SRGAP1: variants seen among roughly 807,000 people sequenced by gnomAD.
SRGAP1 encodes SLIT-ROBO Rho GTPase activating protein 1, also known as SLIT-ROBO Rho GTPase-activating protein 1.
SRGAP1 carries 43 observed loss-of-function variants against 121.9 expected under a neutral mutation model. That is an observed-to-expected ratio of 0.35 (90% CI 0.28 to 0.46). The LOEUF is 0.46. Ranked by LOEUF, SRGAP1 falls within the 20% of genes least tolerant of loss-of-function variation. The pLI, the probability that SRGAP1 is intolerant of heterozygous loss-of-function variation, is 1.00. For synonymous variants in SRGAP1, 447 were observed against 485.4 expected, an observed-to-expected ratio of 0.92 and a Z score of 1.04; for missense variants, 1,102 against 1,350.9, an observed-to-expected ratio of 0.82 and a Z score of 2.89.
intron 1 of SRGAP1, among the ~76,000 whole-genome samples, chr12:63,931,933 G>C (rs1165799010): frequency 1.3e-5 from 2 of 152,128 alleles, no homozygotes; most frequent in Non-Finnish European, 2.9e-5. Flanking sequence ...AACGATGTAG[G>C]GTTAGGCCTA....
chr12:64,014,922 T>C (rs531041978), intron 3 of SRGAP1, among the ~76,000 whole-genome samples: 1 of 152,282 alleles, frequency 6.6e-6, no homozygotes, highest in South Asian at 2.1e-4. Flanking sequence ...GTTCACGCAG[T>C]TCTCATGCCT....
At chr12:64,009,148 T>A (rs895967790) in intron 3 of SRGAP1, among the ~76,000 whole-genome samples, 2 of 152,186 alleles carry the variant, frequency 1.3e-5, no homozygotes, top group Non-Finnish European at 2.9e-5. Flanking sequence ...GATTGCACTT[T>A]TGTGAAGTTC....
chr12:64,000,987 C>T (rs2033876924), intron 3 of SRGAP1, among the ~76,000 whole-genome samples: 1 of 151,998 alleles, frequency 6.6e-6, no homozygotes, highest in Admixed American at 6.6e-5. Context: ...AAAAAGAATC[C>T]CCACTTGAGA....
chr12:64,122,136 G>T (rs1415275235), intron 18 of SRGAP1, among the ~76,000 whole-genome samples: 1 of 152,192 alleles, frequency 6.6e-6, no homozygotes, highest in East Asian at 1.9e-4. Context: ...ACAAGAAATG[G>T]AAATATAAGA....
At chr12:63,979,164 C>T (rs1593000225) in intron 1 of SRGAP1, among the ~76,000 whole-genome samples, 1 of 151,502 alleles carries the variant, frequency 6.6e-6, no homozygotes, top group South Asian at 2.1e-4. Context: ...CTCAGCCTCC[C>T]GAGTAGCTGG....
intron 2 of SRGAP1, among the ~76,000 whole-genome samples, chr12:63,985,418 C>T (rs1431456854): frequency 6.6e-6 from 1 of 152,074 alleles, no homozygotes; most frequent in Admixed American, 6.6e-5. Context: ...TCTTCCTGGC[C>T]AGTTGGGACC....
chr12:63,884,935 T>C (rs1303452598), intron 1 of SRGAP1, among the ~76,000 whole-genome samples: 1 of 152,034 alleles, frequency 6.6e-6, no homozygotes, highest in Non-Finnish European at 1.5e-5. Context: ...TTAGCCAGGA[T>C]GGCCTCGATC....
At chr12:64,087,337 T>A (rs549700064) in intron 11 of SRGAP1, among the ~76,000 whole-genome samples, 30 of 152,280 alleles carry the variant, frequency 2.0e-4, no homozygotes, top group African/African-American at 7.2e-4. Context: ...ACAGGACTTT[T>A]GATTTGATAG....
chr12:64,018,702 C>T (rs1157326057), intron 4 of SRGAP1, among the ~76,000 whole-genome samples: 2 of 152,164 alleles, frequency 1.3e-5, no homozygotes, highest in Non-Finnish European at 2.9e-5. Context: ...ACTTTCCACT[C>T]TCCATGCAAC....
chr12:64,142,274 T>A (rs1381085082), intron 21 of SRGAP1, 21 bp from the exon 22 acceptor site: 1 of 1,605,458 alleles, frequency 6.2e-7, no homozygotes, highest in African/African-American at 1.3e-5. Context: ...GCTTTCTCTC[T>A]TTCCGATTAT....
intron 21 of SRGAP1, among the ~76,000 whole-genome samples, chr12:64,132,288 C>T (rs1183968671): frequency 2.6e-5 from 4 of 152,196 alleles, no homozygotes; most frequent in African/African-American, 9.7e-5. Flanking sequence ...AAACAGCATC[C>T]CTATCTGCCA....
intron 4 of SRGAP1, chr12:64,032,578 C>T: frequency 2.6e-6 from 2 of 779,010 alleles, no homozygotes; most frequent in Non-Finnish European, 4.2e-6. Context: ...CCTAGCTCTG[C>T]ACATAAGTCC....
intron 1 of SRGAP1, among the ~76,000 whole-genome samples, chr12:63,928,177 T>C (rs1259995815): frequency 1.3e-5 from 2 of 152,140 alleles, no homozygotes; most frequent in African/African-American, 4.8e-5. Flanking sequence ...TACTTGAAAA[T>C]TGCAGCATGC....
chr12:63,984,410 A>T (rs2033357764), intron 2 of SRGAP1, among the ~76,000 whole-genome samples: 1 of 152,114 alleles, frequency 6.6e-6, no homozygotes, highest in Non-Finnish European at 1.5e-5. Flanking sequence ...TGTTTGTAAA[A>T]TTCTTGATTA....
intron 5 of SRGAP1, 134 bp from the exon 6 acceptor site, chr12:64,043,313 G>T: frequency 2.3e-6 from 2 of 862,886 alleles, no homozygotes; most frequent in Non-Finnish European, 3.4e-6. Context: ...ATGTACTTTT[G>T]GCAAAGGACT....
intron 1 of SRGAP1, among the ~76,000 whole-genome samples, chr12:63,913,085 T>G (rs961967922): frequency 4.6e-4 from 70 of 152,038 alleles, no homozygotes; most frequent in Admixed American, 4.6e-3. Flanking sequence ...TCCCTCATTA[T>G]GCAATGACAT....
Position 64,143,961 on chromosome 12 carries a change from TTC to T in SRGAP1, c.*1291_*1292del, listed in dbSNP as rs1314100171. ...CAGTTGTGTACCTCACAACCACAAC[TTC>T]TTTTTCTTTGTCCCTTTTCCCCTTT... On this transcript the variant is annotated 3_prime_UTR_variant, in exon 22 of 22. Transcript: ENST00000355086. 1 of 152,268 alleles carries T rather than the reference TTC, an allele frequency of 6.6e-6. No individual in the cohort carries two copies. Among genetic ancestry groups the T allele is most frequent in the African/African-American group, 2.4e-5 (1 of 41,448 alleles). 9.4% of individuals were successfully genotyped at this position (152,268 alleles called of 1,614,324 possible). A position where few individuals can be genotyped will look rare whatever the true frequency, so the allele number is the denominator to read the frequency against.
intron 6 of SRGAP1, among the ~76,000 whole-genome samples, chr12:64,060,435 T>C (rs1251520282): frequency 6.6e-6 from 1 of 152,080 alleles, no homozygotes; most frequent in Non-Finnish European, 1.5e-5. Context: ...CTTGAACCCC[T>C]GGGCTCAAGC....
chr12:64,084,897 A>G (rs1392671902), intron 10 of SRGAP1, among the ~76,000 whole-genome samples: 1 of 152,014 alleles, frequency 6.6e-6, no homozygotes. Flanking sequence ...AATAATGTAC[A>G]TATTTATAGA....
Sources: allele counts gnomAD v4.1 joint callset (sites outside exome capture counted in the v4.1 genomes callset), GRCh38; gene constraint gnomAD v4.1.1; transcripts MANE v1.5; gene names NCBI Gene and HGNC (gene_info 2026-07-23, HGNC 2026-07-21).